Variants in GRM1 observed in about 807,000 individuals in gnomAD.
The protein encoded by GRM1 is glutamate metabotropic receptor 1.
A neutral mutation model predicts 90.9 loss-of-function variants in GRM1; 33 were observed. The ratio of observed to expected loss-of-function variants is 0.36; its 90% CI spans 0.28 to 0.49. The LOEUF is 0.49. Among genes scored for constraint, GRM1 ranks in the 20% least tolerant of loss-of-function variants. The pLI, the probability that GRM1 is intolerant of heterozygous loss-of-function variation, is 0.99. For missense variants in GRM1, 1,190 were observed against 1,534.3 expected, an observed-to-expected ratio of 0.78 and a Z score of 3.75; for synonymous variants, 700 against 613.2, an observed-to-expected ratio of 1.14 and a Z score of -2.09.
chr6:146,298,859 A>C (rs1294738982), intron 2 of GRM1, among the ~76,000 whole-genome samples: 2 of 152,190 alleles, frequency 1.3e-5, no homozygotes, highest in Non-Finnish European at 2.9e-5. Context: ...CCTAGCAAAG[A>C]CTTTACAAAA....
intron 1 of GRM1, among the ~76,000 whole-genome samples, chr6:146,083,090 T>C (rs1004557946): frequency 1.3e-5 from 2 of 152,190 alleles, no homozygotes; most frequent in African/African-American, 2.4e-5. Flanking sequence ...TGATTTTGTA[T>C]CCTGAGACTT....
intron 2 of GRM1, among the ~76,000 whole-genome samples, chr6:146,225,447 T>A (rs1780206217): frequency 6.6e-6 from 1 of 152,226 alleles, no homozygotes; most frequent in African/African-American, 2.4e-5. Flanking sequence ...AAACTCCTGA[T>A]ATGAAGGAAA....
At position 146,029,671 on chromosome 6, in the gene GRM1, T is replaced by C; in HGVS notation, c.154T>C (p.Ser52Pro). The C allele has an allele frequency of 6.2e-7, 1 of 1,613,968 alleles. No homozygotes were observed. The highest frequency in any genetic ancestry group is 1.1e-5 in the South Asian group (1 of 91,068). The part of the protein sequence containing the change: ...DGDVIIGALF[S>P]VHHQPPAEKV... ...AGATGTCATCATTGGAGCCCTCTTC[T>C]CAGTCCATCACCAGCCTCCGGCCGA... Residue 52 changes from serine to proline, a missense_variant, in exon 1 of 8, where the codon TCA becomes CCA. Physicochemically the swap from Ser to Pro is moderately conservative, Grantham distance 74. Transcript: ENST00000282753.
intron 1 of GRM1, among the ~76,000 whole-genome samples, chr6:146,066,423 C>T (rs373258828): frequency 1.3e-5 from 2 of 152,234 alleles, no homozygotes; most frequent in East Asian, 3.9e-4. Flanking sequence ...GTATAGTACT[C>T]CATGCACTAC....
chr6:146,150,917 AAC>A (rs1290152469), intron 1 of GRM1, among the ~76,000 whole-genome samples: 66 of 130,548 alleles, frequency 5.1e-4, no homozygotes, highest in African/African-American at 1.6e-3. Flanking sequence ...TTCCTGTATA[AAC>A]ACACACACGC....
intron 1 of GRM1, among the ~76,000 whole-genome samples, chr6:146,096,897 T>C (rs1776891971): frequency 1.3e-5 from 2 of 152,186 alleles, no homozygotes; most frequent in South Asian, 4.1e-4. Context: ...CAGATGATAT[T>C]TGGTCTGAAA....
At chr6:146,252,018 G>A in intron 2 of GRM1, among the ~76,000 whole-genome samples, 1 of 152,036 alleles carries the variant, frequency 6.6e-6, no homozygotes, top group East Asian at 1.9e-4. Flanking sequence ...GTAACCCTCT[G>A]TCCTGACACT....
At chr6:146,173,410 G>GAAAAA (rs1182745924) in intron 2 of GRM1, among the ~76,000 whole-genome samples, 2 of 84,160 alleles carry the variant, frequency 2.4e-5, no homozygotes, top group African/African-American at 4.2e-5. Context: ...GAAAAGAAAA[G>GAAAAA]AAAAAAAAAA....
intron 1 of GRM1, among the ~76,000 whole-genome samples, chr6:146,110,521 C>T (rs555772686): frequency 9.9e-5 from 15 of 152,214 alleles, no homozygotes; most frequent in Admixed American, 2.6e-4. Flanking sequence ...ATCAGCAGCA[C>T]GAAAATGTAC....
At position 146,057,817 on chromosome 6, in the gene GRM1, C is replaced by G. The variant is rs368776418; in HGVS notation, c.700+27600C>G. On this transcript the variant is annotated intron_variant, in intron 1 of 7. Coordinates refer to ENST00000282753, the MANE Select transcript of GRM1 (RefSeq NM_001278064.2). ...TCAGAGAAAAAGATTTGATATGTTC[C>G]CTGAAGAACTCTAAAGAAGATTACT... Among the ~76,000 whole-genome samples the G allele has an allele frequency of 2.1e-4, 32 of 152,034 alleles. No individual in the cohort carries two copies. The South Asian group carries it at 6.0e-3, about 29-fold the overall frequency.
At position 146,349,461 on chromosome 6, in the gene GRM1, A is replaced by G. The variant is rs926532185; in HGVS notation, c.1187-2789A>G. Among the ~76,000 whole-genome samples the G allele has an allele frequency of 2.9e-4, 44 of 151,862 alleles. 1 individual carries two copies. The highest frequency in any genetic ancestry group is 4.4e-5 in the Non-Finnish European group (3 of 67,990). On this transcript the variant is annotated intron_variant, in intron 3 of 7. Transcript: ENST00000282753. The stretch of plus-strand genomic sequence containing the variant: ...CAAATATTTGCCTGATTCACTCCCT[A>G]TTCTTCTTCAATTATTCACTCAATG...
chr6:146,199,843 C>A (rs535627511), intron 2 of GRM1, among the ~76,000 whole-genome samples: 2 of 152,278 alleles, frequency 1.3e-5, no homozygotes, highest in Non-Finnish European at 2.9e-5. Flanking sequence ...CATGGAGAAA[C>A]CCCATCTCTA....
At chr6:146,187,174 T>A (rs1778764507) in intron 2 of GRM1, among the ~76,000 whole-genome samples, 1 of 152,180 alleles carries the variant, frequency 6.6e-6, no homozygotes, top group African/African-American at 2.4e-5. Context: ...AGCTCTGAAA[T>A]GCTAGTGTTT....
At chr6:146,275,065 A>G (rs1782304877) in intron 2 of GRM1, among the ~76,000 whole-genome samples, 5 of 152,172 alleles carry the variant, frequency 3.3e-5, no homozygotes, top group Admixed American at 3.3e-4. Flanking sequence ...AAAAAGAAAA[A>G]GATGGCACTT....
intron 2 of GRM1, among the ~76,000 whole-genome samples, chr6:146,297,359 A>C (rs1783212532): frequency 6.6e-6 from 1 of 151,944 alleles, no homozygotes; most frequent in African/African-American, 2.4e-5. Context: ...ATGGGGTTTC[A>C]CTGTGTTAGC....
chr6:146,029,877 T>C lies in GRM1; in HGVS notation c.360T>C (p.Ile120=). ...CTTCCGTGGCTCTGGAACAGAGCAT[T>C]GAGTTCATTAGGGACTCTCTGATTT... The part of the protein sequence containing the change: ...WHSSVALEQS[I]EFIRDSLISI... The change falls in exon 1 of 8, where the codon ATT becomes ATC. Residue 120 remains isoleucine (I), a synonymous_variant. Transcript: ENST00000282753. The C allele has an allele frequency of 6.2e-7, 1 of 1,614,078 alleles. No homozygotes were observed. The highest frequency in any genetic ancestry group is 8.5e-7 in the Non-Finnish European group (1 of 1,179,956).
intron 1 of GRM1, among the ~76,000 whole-genome samples, chr6:146,131,864 G>C (rs1446433319): frequency 4.6e-5 from 7 of 152,200 alleles, no homozygotes; most frequent in Non-Finnish European, 1.0e-4. Context: ...AATAAACGGA[G>C]TGTGGTGAAG....
At chr6:146,257,916 G>A (rs576659384) in intron 2 of GRM1, among the ~76,000 whole-genome samples, 29 of 151,544 alleles carry the variant, frequency 1.9e-4, no homozygotes, top group Admixed American at 1.4e-3. Flanking sequence ...TCCCAGTCAA[G>A]TTGACACATA....
At chr6:146,126,589 C>T (rs1269419287) in intron 1 of GRM1, among the ~76,000 whole-genome samples, 2 of 152,032 alleles carry the variant, frequency 1.3e-5, no homozygotes, top group African/African-American at 2.4e-5. Flanking sequence ...ACACATTTTT[C>T]AAATTCTTAA....
Sources: allele counts gnomAD v4.1 joint callset (sites outside exome capture counted in the v4.1 genomes callset), GRCh38; gene constraint gnomAD v4.1.1; transcripts MANE v1.5; gene names NCBI Gene and HGNC (gene_info 2026-07-23, HGNC 2026-07-21).